The following HCRTR2 variants were observed in gnomAD, a reference collection of about 807,000 sequenced individuals.
The protein encoded by HCRTR2 is hypocretin receptor 2.
Under a neutral mutation model 49.0 loss-of-function variants are expected in HCRTR2, and 22 were observed. That is an observed-to-expected ratio of 0.45 (90% CI 0.32 to 0.64). HCRTR2 has a LOEUF of 0.64. HCRTR2 is among the 30% of genes least tolerant of loss of function. HCRTR2 has a pLI of 0.04. For missense variants in HCRTR2, 491 were observed against 559.4 expected, an observed-to-expected ratio of 0.88 and a Z score of 1.23; for synonymous variants, 236 against 205.3, an observed-to-expected ratio of 1.15 and a Z score of -1.28.
chr6:55,185,708 T>G (rs1203194673), intron 1 of HCRTR2, among the ~76,000 whole-genome samples: 1 of 152,206 alleles, frequency 6.6e-6, no homozygotes, highest in Non-Finnish European at 1.5e-5. Flanking sequence ...GTAAATGAAC[T>G]ATAACATTTA....
intron 1 of HCRTR2, among the ~76,000 whole-genome samples, chr6:55,233,534 A>T (rs1766156877): frequency 6.6e-6 from 1 of 152,208 alleles, no homozygotes; most frequent in Non-Finnish European, 1.5e-5. Flanking sequence ...TACAAAAACA[A>T]AAATAAAATA....
At chr6:55,140,975 A>G (rs1581791643) in intron 1 of HCRTR2, among the ~76,000 whole-genome samples, 1 of 152,268 alleles carries the variant, frequency 6.6e-6, no homozygotes, top group East Asian at 1.9e-4. Flanking sequence ...TAGCCCTTCA[A>G]CAAGTGCTTA....
At chr6:55,143,275 G>T (rs555224091) in intron 1 of HCRTR2, among the ~76,000 whole-genome samples, 5 of 152,014 alleles carry the variant, frequency 3.3e-5, no homozygotes, top group African/African-American at 1.2e-4. Context: ...TAGGAACTCT[G>T]TCATCCTTAT....
At chr6:55,121,241 G>A (rs1764195009) in intron 1 of HCRTR2, among the ~76,000 whole-genome samples, 1 of 152,084 alleles carries the variant, frequency 6.6e-6, no homozygotes, top group African/African-American at 2.4e-5. Flanking sequence ...AAGCAATTGT[G>A]AATGGGAGTT....
chr6:55,234,084 CAG>C (rs1419560063), intron 1 of HCRTR2, among the ~76,000 whole-genome samples: 1 of 152,108 alleles, frequency 6.6e-6, no homozygotes, highest in East Asian at 1.9e-4. Context: ...AAGACACTCT[CAG>C]ATACTATTTC....
intron 1 of HCRTR2, among the ~76,000 whole-genome samples, chr6:55,139,590 A>G (rs1764479363): frequency 6.6e-6 from 1 of 152,232 alleles, no homozygotes. Flanking sequence ...TCAGTAAAAT[A>G]TGATAGTTAT....
At chr6:55,236,693 T>C (rs1455749169) in intron 1 of HCRTR2, among the ~76,000 whole-genome samples, 2 of 152,132 alleles carry the variant, frequency 1.3e-5, no homozygotes, top group Non-Finnish European at 2.9e-5. Flanking sequence ...TTGGAGGTGA[T>C]GCATTTTTTT....
chr6:55,224,695 A>G (rs1765968317), intron 1 of HCRTR2, among the ~76,000 whole-genome samples: 1 of 152,154 alleles, frequency 6.6e-6, no homozygotes. Context: ...TTTTAAAAGA[A>G]GGAAACCCTG....
At chr6:55,253,194 GCA>G (rs34614654) in intron 2 of HCRTR2, among the ~76,000 whole-genome samples, 31,279 of 148,454 alleles carry the variant, frequency 0.21, 3,730 homozygotes, top group Middle Eastern at 0.32. Context: ...ACTTCATTTA[GCA>G]CACACACACA....
chr6:55,266,100 G>A (rs1340438217), intron 4 of HCRTR2, among the ~76,000 whole-genome samples: 1 of 152,116 alleles, frequency 6.6e-6, no homozygotes, highest in Non-Finnish European at 1.5e-5. Context: ...TAACTCAAGT[G>A]CCTAAATATA....
intron 1 of HCRTR2, among the ~76,000 whole-genome samples, chr6:55,245,898 T>A (rs994937847): frequency 2.6e-5 from 4 of 152,006 alleles, no homozygotes; most frequent in African/African-American, 9.7e-5. Context: ...GAATGTGACC[T>A]TATTTGGAAA....
chr6:55,167,936 T>A (rs757451500), intron 1 of HCRTR2, among the ~76,000 whole-genome samples: 1 of 152,218 alleles, frequency 6.6e-6, no homozygotes, highest in Non-Finnish European at 1.5e-5. Flanking sequence ...ATCTCCAGTC[T>A]AAAGATTTAG....
At chr6:55,229,069 C>A (rs1198924435) in intron 1 of HCRTR2, among the ~76,000 whole-genome samples, 1 of 152,114 alleles carries the variant, frequency 6.6e-6, no homozygotes, top group Non-Finnish European at 1.5e-5. Context: ...AACCACAGAA[C>A]CATCACCTCA....
intron 1 of HCRTR2, among the ~76,000 whole-genome samples, chr6:55,209,221 TGA>T (rs1765656070): frequency 6.6e-6 from 1 of 152,174 alleles, no homozygotes; most frequent in Admixed American, 6.5e-5. Context: ...CAAGAACTAG[TGA>T]GTCATATAAC....
At chr6:55,234,868 CAT>C (rs756128005) in intron 1 of HCRTR2, among the ~76,000 whole-genome samples, 6 of 152,166 alleles carry the variant, frequency 3.9e-5, no homozygotes, top group Non-Finnish European at 7.4e-5. Flanking sequence ...GAAATTTGCA[CAT>C]ATGTGTCAGA....
At chr6:55,268,573 A>C (rs185572057) in intron 4 of HCRTR2, among the ~76,000 whole-genome samples, 1 of 152,296 alleles carries the variant, frequency 6.6e-6, no homozygotes, top group Non-Finnish European at 1.5e-5. Context: ...GGTTATACTA[A>C]AATTAGACAA....
chr6:55,254,187 A>G (rs191239738), intron 2 of HCRTR2, among the ~76,000 whole-genome samples: 14 of 152,286 alleles, frequency 9.2e-5, no homozygotes, highest in Admixed American at 7.2e-4. Context: ...AAATTAAGCA[A>G]ATAATTTACT....
Position 55,282,285 on chromosome 6 carries a change from G to T in HCRTR2, c.1166G>T (p.Arg389Leu), listed in dbSNP as rs759921794. Residue 389 changes from arginine to leucine, a missense_variant, in exon 7 of 7, where the codon CGC becomes CTC. Coordinates refer to ENST00000370862, the MANE Select transcript of HCRTR2 (RefSeq NM_001384272.1). ...FSCCCLGVHH[R>L]QEDRLTRGRT... The stretch of plus-strand genomic sequence containing the variant: ...TGCTGTTGCCTTGGAGTTCACCATC[G>T]CCAGGAGGATCGGCTCACCAGGGGA... 7 of 1,613,640 alleles carry T rather than the reference G, an allele frequency of 4.3e-6. No homozygotes were observed. Among genetic ancestry groups the T allele is most frequent in the East Asian group, 2.2e-5 (1 of 44,862 alleles).
Position 55,266,665 on chromosome 6 carries a change from T to C in HCRTR2, c.762+2843T>C, listed in dbSNP as rs7748830. On this transcript the variant is annotated intron_variant, in intron 4 of 6. Coordinates refer to ENST00000370862, the MANE Select transcript of HCRTR2 (RefSeq NM_001384272.1). ...AATTTCTTATTCATTTATTTACAAA[T>C]TGACATACCTTTAAAACTCTTTCAA... Among the ~76,000 whole-genome samples the C allele has an allele frequency of 6.8e-3, 1,038 of 152,250 alleles. 14 individuals carry two copies. The highest frequency in any genetic ancestry group is 0.023 in the African/African-American group (968 of 41,556).
Sources: gnomAD v4.1 joint callset for allele counts (sites outside exome capture counted in the v4.1 genomes callset) on GRCh38, gnomAD v4.1.1 for gene constraint, MANE v1.5 for transcripts, NCBI Gene and HGNC (gene_info 2026-07-23, HGNC 2026-07-21) for gene names.